Variants in CDK17 observed in about 807,000 individuals in gnomAD.
The protein encoded by CDK17 is cyclin-dependent kinase 17.
Under a neutral mutation model 77.6 loss-of-function variants are expected in CDK17, and 24 were observed. The observed-to-expected ratio is 0.31, with a 90% confidence interval of 0.22 to 0.44. The LOEUF (loss-of-function observed/expected upper bound fraction) is 0.44, where lower values mean the gene tolerates loss of function less well. Among genes scored for constraint, CDK17 ranks in the 20% least tolerant of loss-of-function variants. The pLI is 1.00. For missense variants in CDK17, 429 were observed against 622.5 expected (o/e 0.69, Z 3.31); for synonymous variants, 203 against 210.4 (o/e 0.96, Z 0.30).
At chr12:96,318,269 C>A (rs1178287020) in intron 3 of CDK17, among the ~76,000 whole-genome samples, 1 of 151,840 alleles carries the variant, frequency 6.6e-6, no homozygotes, top group Non-Finnish European at 1.5e-5. Context: ...TATATATGCA[C>A]CCAATACAGG....
At chr12:96,391,113 T>C (rs1954060768) in intron 1 of CDK17, among the ~76,000 whole-genome samples, 1 of 151,536 alleles carries the variant, frequency 6.6e-6, no homozygotes. Flanking sequence ...ACAAAGCTTC[T>C]AGTCAACTGT....
chr12:96,337,362 C>A (rs557837594), intron 1 of CDK17, among the ~76,000 whole-genome samples: 1 of 152,288 alleles, frequency 6.6e-6, no homozygotes, highest in East Asian at 1.9e-4. Flanking sequence ...AAAACCAGCA[C>A]AGAGTGTGTC....
intron 2 of CDK17, among the ~76,000 whole-genome samples, chr12:96,332,586 C>T (rs1952988188): frequency 6.6e-6 from 1 of 151,112 alleles, no homozygotes; most frequent in Non-Finnish European, 1.5e-5. Context: ...GGTGTAGAAT[C>T]TCTGTGAAAG....
intron 2 of CDK17, among the ~76,000 whole-genome samples, chr12:96,324,778 A>G (rs890238088): frequency 1.3e-5 from 2 of 152,118 alleles, no homozygotes. Flanking sequence ...AAAAGAAAAA[A>G]AAAAAGAAAT....
intron 9 of CDK17, 60 bp downstream of exon 9, chr12:96,297,210 T>C (rs768445813): frequency 9.6e-7 from 1 of 1,043,278 alleles, no homozygotes; most frequent in South Asian, 1.4e-5. Flanking sequence ...CATTTCATTA[T>C]ATAATGGTTC....
At chr12:96,294,390 G>A (rs374035077) in intron 10 of CDK17, among the ~76,000 whole-genome samples, 18 of 151,816 alleles carry the variant, frequency 1.2e-4, no homozygotes, top group African/African-American at 3.4e-4. Context: ...TCAGGAGTTC[G>A]AGATCAGCCT....
intron 1 of CDK17, among the ~76,000 whole-genome samples, chr12:96,352,108 T>C (rs997207977): frequency 6.6e-6 from 1 of 152,120 alleles, no homozygotes; most frequent in African/African-American, 2.4e-5. Context: ...TTTAACAGAC[T>C]TTTCAAGGGG....
intron 1 of CDK17, among the ~76,000 whole-genome samples, chr12:96,371,612 A>C (rs1953694202): frequency 6.6e-6 from 1 of 152,014 alleles, no homozygotes; most frequent in African/African-American, 2.4e-5. Context: ...GACCAACATA[A>C]TCTCAGCTAC....
At chr12:96,354,044 G>T (rs1455267546) in intron 1 of CDK17, among the ~76,000 whole-genome samples, 1 of 152,100 alleles carries the variant, frequency 6.6e-6, no homozygotes, top group East Asian at 1.9e-4. Context: ...AGTAGACAAG[G>T]GCAAAGTGTA....
intron 1 of CDK17, among the ~76,000 whole-genome samples, chr12:96,385,718 CTG>C (rs1181542233): frequency 4.6e-5 from 7 of 152,078 alleles, no homozygotes; most frequent in African/African-American, 7.2e-5. Flanking sequence ...ATAGTAACCA[CTG>C]TGTTAGAGAA....
intron 1 of CDK17, among the ~76,000 whole-genome samples, chr12:96,373,883 GCACTCCACCCTGGGCGACAGAGCGAAGAC>G (rs892904748): frequency 1.6e-4 from 24 of 152,170 alleles, no homozygotes; most frequent in East Asian, 5.8e-4. Context: ...TCGCGCCATT[GCACTCCACCCTGGGCGACAGAGCGAAGAC>G]CACTCCACCC....
intron 5 of CDK17, among the ~76,000 whole-genome samples, chr12:96,309,695 A>G (rs1952621717): frequency 6.6e-6 from 1 of 152,248 alleles, no homozygotes; most frequent in African/African-American, 2.4e-5. Flanking sequence ...AAAAGAGAGT[A>G]TCTAAATATA....
intron 1 of CDK17, among the ~76,000 whole-genome samples, chr12:96,349,247 C>T (rs1038339145): frequency 1.3e-5 from 2 of 152,068 alleles, no homozygotes; most frequent in African/African-American, 4.8e-5. Context: ...TGAGGTCAGG[C>T]GTTGGAGACC....
chr12:96,326,215 A>C (rs1952889885), intron 2 of CDK17, among the ~76,000 whole-genome samples: 1 of 152,156 alleles, frequency 6.6e-6, no homozygotes, highest in South Asian at 2.1e-4. Flanking sequence ...AAAAATGGGG[A>C]TCATAAGGAC....
chr12:96,383,402 A>AAG (rs1358527384), intron 1 of CDK17, among the ~76,000 whole-genome samples: 4 of 109,490 alleles, frequency 3.7e-5, no homozygotes, highest in African/African-American at 1.6e-4. Flanking sequence ...ACAAAATTAG[A>AAG]AGAAAAAAAA....
intron 2 of CDK17, among the ~76,000 whole-genome samples, chr12:96,334,504 T>C (rs925264286): frequency 1.3e-5 from 2 of 152,202 alleles, no homozygotes; most frequent in Admixed American, 1.3e-4. Flanking sequence ...TTCATCAGGG[T>C]TTGAGACCAG....
chr12:96,375,592 G>A (rs1427985025), intron 1 of CDK17, among the ~76,000 whole-genome samples: 2 of 140,932 alleles, frequency 1.4e-5, no homozygotes, highest in Non-Finnish European at 3.0e-5. Flanking sequence ...TCAGCTCACT[G>A]CAACCTCCGC....
intron 1 of CDK17, among the ~76,000 whole-genome samples, chr12:96,355,873 T>C (rs1453278797): frequency 6.6e-6 from 1 of 152,214 alleles, no homozygotes; most frequent in Admixed American, 6.5e-5. Context: ...AATACTAACA[T>C]AGTACTAGAG....
chr12:96,352,807 G>A (rs1244889171), intron 1 of CDK17, among the ~76,000 whole-genome samples: 1 of 152,180 alleles, frequency 6.6e-6, no homozygotes, highest in East Asian at 1.9e-4. Context: ...GTCTTTCAGT[G>A]ACAACATTTC....
Sources: gnomAD v4.1 joint callset for allele counts (sites outside exome capture counted in the v4.1 genomes callset) on GRCh38, gnomAD v4.1.1 for gene constraint, MANE v1.5 for transcripts, NCBI Gene and HGNC (gene_info 2026-07-23, HGNC 2026-07-21) for gene names.